MDN1: variants seen among roughly 807,000 people sequenced by gnomAD.
MDN1 encodes the protein midasin.
In MDN1, 266 loss-of-function variants were observed where a neutral mutation model predicts 669.2. That is an observed-to-expected ratio of 0.40 (90% CI 0.36 to 0.44). MDN1 has a LOEUF of 0.44. Ranked by LOEUF, MDN1 falls within the 20% of genes least tolerant of loss-of-function variation. The pLI, the probability that MDN1 is intolerant of heterozygous loss-of-function variation, is 1.00. For missense variants in MDN1, 5,940 were observed against 6,754.0 expected, an observed-to-expected ratio of 0.88 and a Z score of 4.22; for synonymous variants, 2,385 against 2,457.1, an observed-to-expected ratio of 0.97 and a Z score of 0.87.
intron 38 of MDN1, among the ~76,000 whole-genome samples, chr6:89,724,073 G>A (rs1474925368): frequency 6.6e-6 from 1 of 152,020 alleles, no homozygotes; most frequent in Non-Finnish European, 1.5e-5. Context: ...CTCCCAGGAG[G>A]AGGAGATTGC....
chr6:89,672,236 T>C lies in MDN1; in HGVS notation c.13758A>G (p.Lys4586=). The change falls in exon 82 of 102, where the codon AAA becomes AAG. Residue 4586 remains lysine, a synonymous_variant. Transcript: ENST00000369393. ...SAISELLERL[K]SYGEDGTAAK... ...CTGCTGTGCCATCCTCACCGTACGA[T>C]TTCAGCCTCTCCAACAGCTCGGAGA... 6.2e-7 allele frequency: 1 copy of C among 1,605,862 alleles called. No homozygotes were observed. Among genetic ancestry groups the C allele is most frequent in the East Asian group, 2.2e-5 (1 of 44,802 alleles).
At chr6:89,649,280 T>C (rs1358723933) in intron 97 of MDN1, among the ~76,000 whole-genome samples, 1 of 152,248 alleles carries the variant, frequency 6.6e-6, no homozygotes, top group Non-Finnish European at 1.5e-5. Context: ...TACTATTCTA[T>C]GTGTGCTTGT....
chr6:89,740,921 T>C (rs1816260762), intron 31 of MDN1, among the ~76,000 whole-genome samples: 1 of 152,142 alleles, frequency 6.6e-6, no homozygotes, highest in Non-Finnish European at 1.5e-5. Context: ...TTCTATTGAA[T>C]GATGGAAATG....
In MDN1 at chr6:89,695,597, T is replaced by A; in HGVS notation, c.9771+8A>T. On this transcript the variant is annotated splice_region_variant and intron_variant, in intron 61 of 101. Coordinates refer to ENST00000369393, the MANE Select transcript of MDN1 (RefSeq NM_014611.3). The surrounding 1 kb of genome is among the most constrained non-coding windows in gnomAD (Gnocchi z 4.1). ...GGAGCCCATGCTCCATACTCTTGCC[T>A]CCCATACCTCTTCCTTGACGTAATT... The A allele has an allele frequency of 6.3e-7, 1 of 1,578,928 alleles. No homozygotes were observed. The highest frequency in any genetic ancestry group is 1.2e-5 in the South Asian group (1 of 86,768).
Position 89,688,724 on chromosome 6 carries a change from G to A in MDN1, c.11108C>T (p.Ser3703Leu), listed in dbSNP as rs1374875818. ...CCCATCAGGTTTCACCATCAGGTCT[G>A]AGGGTGCCTCCCCAAAAAGAGTGTT... The part of the protein sequence containing the change: ...SHNTLFGEAP[S>L]DLMVKPDGPY... Residue 3703 changes from serine to leucine, a missense_variant, in exon 66 of 102, where the codon TCA becomes TTA. Around this residue, in one of 5 missense-constraint regions of MDN1, gnomAD observed 2,280 missense variants for 2,576.3 expected, o/e 0.88. Transcript: ENST00000369393. The A allele has an allele frequency of 6.2e-7, 1 of 1,614,228 alleles. No individual in the cohort carries two copies. The highest frequency in any genetic ancestry group is 1.7e-5 in the Admixed American group (1 of 60,034).
intron 94 of MDN1, 29 bp from the exon 95 acceptor site, chr6:89,652,310 T>C: frequency 6.3e-7 from 1 of 1,591,280 alleles, no homozygotes; most frequent in Non-Finnish European, 8.6e-7. Context: ...AGATAAGAGG[T>C]GGCCCAGGTT....
chr6:89,644,179 G>A lies in MDN1; in HGVS notation c.16617C>T (p.Asp5539=), dbSNP rs773172787. Residue 5539 remains aspartate, a synonymous_variant, in exon 102 of 102, where the codon GAC becomes GAT. Coordinates refer to ENST00000369393, the MANE Select transcript of MDN1 (RefSeq NM_014611.3). ...GTCCTTTAAATATCGGTACTTTAAT[G>A]TCCAAGATAGAATCCTGTCAACAAA... ...DNPSSRDSIL[D]IKVPIFKGPG... 6.2e-7 allele frequency: 1 copy of A among 1,610,750 alleles called. No homozygotes were observed. The highest frequency in any genetic ancestry group is 8.5e-7 in the Non-Finnish European group (1 of 1,178,788).
At chr6:89,744,763 G>A (rs1406446630) in intron 29 of MDN1, among the ~76,000 whole-genome samples, 1 of 151,156 alleles carries the variant, frequency 6.6e-6, no homozygotes, top group African/African-American at 2.4e-5. Flanking sequence ...CATGCCTGCA[G>A]TCCCAGCTAC....
chr6:89,770,241 T>TA (rs966513554), intron 15 of MDN1, among the ~76,000 whole-genome samples: 29 of 151,860 alleles, frequency 1.9e-4, no homozygotes, highest in African/African-American at 7.0e-4. Flanking sequence ...CTGTTTCTAC[T>TA]AAAAATACAA....
intron 42 of MDN1, 46 bp downstream of exon 42, chr6:89,718,721 G>A (rs753925004): frequency 4.3e-6 from 7 of 1,609,628 alleles, no homozygotes; most frequent in Non-Finnish European, 4.2e-6. Context: ...GTCAGACCAC[G>A]GGGTTTATTA....
At chr6:89,731,401 G>A (rs906912156) in intron 34 of MDN1, among the ~76,000 whole-genome samples, 1 of 152,116 alleles carries the variant, frequency 6.6e-6, no homozygotes, top group African/African-American at 2.4e-5. Flanking sequence ...AGAAAATGTG[G>A]CACATATACA....
chr6:89,813,403 T>C (rs1340885854), intron 1 of MDN1, among the ~76,000 whole-genome samples: 3 of 151,910 alleles, frequency 2.0e-5, no homozygotes, highest in Non-Finnish European at 2.9e-5. Context: ...TACAAAAAAT[T>C]AGCTGGGCAT....
At chr6:89,748,186 C>T (rs546650978) in intron 26 of MDN1, among the ~76,000 whole-genome samples, 8 of 152,120 alleles carry the variant, frequency 5.3e-5, no homozygotes, top group Non-Finnish European at 1.2e-4. Flanking sequence ...ATTAGCCAAG[C>T]CTGGTGGTGC....
intron 33 of MDN1, among the ~76,000 whole-genome samples, chr6:89,735,522 T>C (rs908928525): frequency 6.6e-6 from 1 of 152,138 alleles, no homozygotes; most frequent in Non-Finnish European, 1.5e-5. Flanking sequence ...TATAGGCACG[T>C]ACTACCATGA....
At chr6:89,718,273 A>G (rs1814546580) in intron 43 of MDN1, 93 bp downstream of exon 43, 1 of 1,348,002 alleles carries the variant, frequency 7.4e-7, no homozygotes, top group African/African-American at 1.5e-5. Context: ...ATAATTACTA[A>G]ATTAATACAA....
chr6:89,700,026 A>C (rs1436271709), intron 57 of MDN1, 37 bp downstream of exon 57: 1 of 1,583,624 alleles, frequency 6.3e-7, no homozygotes, highest in South Asian at 1.1e-5. Context: ...CAAGAAAAAA[A>C]GTTCCCGCAA....
intron 34 of MDN1, among the ~76,000 whole-genome samples, chr6:89,731,526 A>G (rs912249333): frequency 1.6e-4 from 24 of 151,846 alleles, no homozygotes; most frequent in African/African-American, 5.8e-4. Context: ...ACCAAACACC[A>G]CATGTTCTCA....
chr6:89,753,728 C>T lies in MDN1; in HGVS notation c.2965-106G>A, dbSNP rs541865227. ...CCTCTTGGGTGATGCTGCTTCCCAA[C>T]TTTTAAATATAGTAAGGTGGTAGAT... On this transcript the variant is annotated intron_variant, in intron 21 of 101. Coordinates refer to ENST00000369393, the MANE Select transcript of MDN1 (RefSeq NM_014611.3). 9.0e-5 allele frequency: 81 copies of T among 903,858 alleles called. No individual in the cohort carries two copies. The African/African-American group carries it at 1.2e-3, about 14-fold the overall frequency. 56.0% of individuals were successfully genotyped at this position (903,858 alleles called of 1,614,324 possible). A position where few individuals can be genotyped will look rare whatever the true frequency, so the allele number is the denominator to read the frequency against.
intron 91 of MDN1, 105 bp from the exon 92 acceptor site, chr6:89,656,073 T>C: frequency 1.0e-6 from 1 of 983,250 alleles, no homozygotes; most frequent in East Asian, 2.6e-5. Context: ...AAATCAGGTG[T>C]AGCCATACAA....
Sources: allele counts gnomAD v4.1 joint callset (sites outside exome capture counted in the v4.1 genomes callset), GRCh38; gene constraint gnomAD v4.1.1; regional missense constraint gnomAD v4.1.1; non-coding constraint Gnocchi (gnomAD v3.1); transcripts MANE v1.5; gene names NCBI Gene and HGNC (gene_info 2026-07-23, HGNC 2026-07-21).